ODAD3: variants seen among roughly 807,000 people sequenced by gnomAD.
ODAD3 encodes outer dynein arm-docking complex subunit 3.
A neutral mutation model predicts 70.9 loss-of-function variants in ODAD3; 57 were observed. That is an observed-to-expected ratio of 0.80 (90% CI 0.65 to 1.00). The LOEUF (loss-of-function observed/expected upper bound fraction) is 1.00, where lower values mean the gene tolerates loss of function less well. Ranked by LOEUF, ODAD3 falls within the 50% of genes least tolerant of loss-of-function variation. The probability of loss-of-function intolerance (pLI) is 0.00; values close to 1 mark genes in which losing one functional copy is unlikely to be tolerated. For synonymous variants in ODAD3, 327 were observed against 315.9 expected, an observed-to-expected ratio of 1.04 and a Z score of -0.37; for missense variants, 797 against 763.9, an observed-to-expected ratio of 1.04 and a Z score of -0.51.
intron 7 of ODAD3, 68 bp downstream of exon 7, chr19:11,426,076 G>A: frequency 6.5e-7 from 1 of 1,543,872 alleles, no homozygotes; most frequent in East Asian, 2.3e-5. Flanking sequence ...ATGAGGGAGA[G>A]CCAGGGCATG....
At position 11,423,967 on chromosome 19, in the gene ODAD3, C is replaced by T; in HGVS notation, c.1026G>A (p.Lys342=). 1 of 1,613,276 alleles carries T rather than the reference C, an allele frequency of 6.2e-7. No individual in the cohort carries two copies. Among genetic ancestry groups the T allele is most frequent in the Non-Finnish European group, 8.5e-7 (1 of 1,179,968 alleles). Residue 342 remains lysine, a synonymous_variant, in exon 8 of 13, where the codon AAG becomes AAA. Transcript: ENST00000356392. Reference sequence around the variant, plus strand: ...TCCAGCGCTGCCGCAGCTCCTCCTCCTTGGCATGCAGGCTGTCCTGGATGG... The same window carrying T: ...TCCAGCGCTGCCGCAGCTCCTCCTCTTTGGCATGCAGGCTGTCCTGGATGG... The part of the protein sequence containing the change: ...DDTIQDSLHA[K]EEELRQRWSM...
In ODAD3 at chr19:11,425,129, G is replaced by GTA. The variant is rs377272277; in HGVS notation, c.963+1013_963+1014dup. On this transcript the variant is annotated intron_variant, in intron 7 of 12. Transcript: ENST00000356392. ...TATATATGTGTATATGTACATATGTGTATATGTGTATATGTACATATGTAT... is the reference window on the plus strand; with the variant it reads ...TATATATGTGTATATGTACATATGTGTATATATGTGTATATGTACATATGTAT... 4.1e-4 allele frequency among the ~76,000 whole-genome samples: 50 copies of GTA among 122,840 alleles called. 10 individuals carry two copies. Among genetic ancestry groups the GTA allele is most frequent in the African/African-American group, 1.9e-3 (44 of 23,674 alleles). The allele number at this position is 122,840 out of a possible 152,430, so 80.6% of individuals were successfully genotyped here. A position where few individuals can be genotyped will look rare whatever the true frequency, so the allele number is the denominator to read the frequency against.
chr19:11,425,555 GTA>G lies in ODAD3; in HGVS notation c.963+587_963+588del, dbSNP rs1199898253. On this transcript the variant is annotated intron_variant, in intron 7 of 12. Transcript: ENST00000356392. ...TATATGTGTGTATGTATGTATATATGTATATATGTGTGTATGTATGTATATAT... is the reference window on the plus strand; with the variant it reads ...TATATGTGTGTATGTATGTATATATGTATATGTGTGTATGTATGTATATAT... Among the ~76,000 whole-genome samples the G allele has an allele frequency of 4.4e-3, 590 of 134,424 alleles. 21 individuals are homozygous for G. Among genetic ancestry groups the G allele is most frequent in the Admixed American group, 0.034 (473 of 13,880 alleles). The allele number at this position is 134,424 out of a possible 152,430, so 88.2% of individuals were successfully genotyped here.
At position 11,426,819 on chromosome 19, in the gene ODAD3, G is replaced by A. The variant is rs200875963; in HGVS notation, c.613-35C>T. ...AGCAGGGCTGGGCTGAGGGCCCTCC[G>A]CACTCAATCCCTCCCACACGACCCT... On this transcript the variant is annotated intron_variant, in intron 4 of 12. Transcript: ENST00000356392. The A allele has an allele frequency of 5.7e-3, 9,151 of 1,612,984 alleles. 38 individuals are homozygous for A. The highest frequency in any genetic ancestry group is 7.2e-3 in the Non-Finnish European group (8,453 of 1,179,590).
chr19:11,425,655 A>ATATATGTATATACG (rs1969350224), intron 7 of ODAD3, among the ~76,000 whole-genome samples: 2 of 115,642 alleles, frequency 1.7e-5, no homozygotes, highest in Admixed American at 7.8e-5. Flanking sequence ...ATATACGTAT[A>ATATATGTATATACG]TATATATATA....
Position 11,422,496 on chromosome 19 carries a change from G to T in ODAD3, c.1409C>A (p.Ala470Asp). Reference protein sequence around the residue: ...QVAKDSLEHLASKLIHITVED... With the variant: ...QVAKDSLEHLDSKLIHITVED... ...CACAGTGATGTGGATCAGCTTGCTG[G>T]CCAGGTGCTCCAGGCTGTCCTTGGC... Residue 470 changes from alanine (A) to aspartate (D), a missense_variant, in exon 10 of 13, where the codon GCC becomes GAC. Transcript: ENST00000356392. The surrounding 1 kb of genome is among the most constrained non-coding windows in gnomAD (Gnocchi z 4.6). 1 of 1,594,356 alleles carries T rather than the reference G, an allele frequency of 6.3e-7. No homozygotes were observed. The highest frequency in any genetic ancestry group is 8.5e-7 in the Non-Finnish European group (1 of 1,172,164).
At position 11,434,231 on chromosome 19, in the gene ODAD3, C is replaced by CA. The variant is rs200735465; in HGVS notation, c.244+541dup. ...CTGTCTCAAAAAACAAAAAACAAAA[C>CA]AAAAAAAAACGCGGGTGCAGTGGCT... On this transcript the variant is annotated intron_variant, in intron 1 of 12. Transcript: ENST00000356392. Among the ~76,000 whole-genome samples, 16 of 137,578 alleles carry CA rather than the reference C, an allele frequency of 1.2e-4. 1 individual carries two copies. The highest frequency in any genetic ancestry group is 3.3e-4 in the African/African-American group (11 of 33,464). The allele number at this position is 137,578 out of a possible 152,430, so 90.3% of individuals were successfully genotyped here.
At chr19:11,426,628 T>C in intron 5 of ODAD3, 55 bp downstream of exon 5, 10 of 1,613,572 alleles carry the variant, frequency 6.2e-6, no homozygotes, top group Non-Finnish European at 8.5e-6. Flanking sequence ...CTGCTGTCCC[T>C]AGCCAAGCCC....
intron 10 of ODAD3, 63 bp from the exon 11 acceptor site, chr19:11,421,895 G>GGGGC (rs1474799351): frequency 1.3e-5 from 20 of 1,536,518 alleles, no homozygotes; most frequent in Non-Finnish European, 1.7e-5. Context: ...GCTCCACCCA[G>GGGGC]GGGCGGGGCT....
intron 3 of ODAD3, among the ~76,000 whole-genome samples, chr19:11,427,616 G>C (rs1969412504): frequency 6.6e-6 from 1 of 151,772 alleles, no homozygotes; most frequent in African/African-American, 2.4e-5. Flanking sequence ...CAAGTAGCTG[G>C]GATTACAGGC....
At chr19:11,427,287 T>G (rs1464929489) in intron 3 of ODAD3, among the ~76,000 whole-genome samples, 1 of 151,804 alleles carries the variant, frequency 6.6e-6, no homozygotes, top group Non-Finnish European at 1.5e-5. Context: ...ATTTTTAAAT[T>G]TTTCTTTCTT....
At chr19:11,425,386 T>C (rs554628209) in intron 7 of ODAD3, among the ~76,000 whole-genome samples, 42 of 123,764 alleles carry the variant, frequency 3.4e-4, no homozygotes, top group South Asian at 2.0e-3. Context: ...TGTGTGTATG[T>C]ACATATGTGT....
At position 11,422,775 on chromosome 19, in the gene ODAD3, C is replaced by T. The variant is rs199934107; in HGVS notation, c.1203G>A (p.Arg401=). The change falls in exon 9 of 13, where the codon AGG becomes AGA. Residue 401 remains arginine (R), a synonymous_variant. Coordinates refer to ENST00000356392, the MANE Select transcript of ODAD3 (RefSeq NM_145045.5). The surrounding 1 kb of genome is among the most constrained non-coding windows in gnomAD (Gnocchi z 4.6). The part of the protein sequence containing the change: ...LKSENEQTLV[R]LKQEKQQLQR... The stretch of plus-strand genomic sequence containing the variant: ...GCAGTTGTTGCTTCTCCTGCTTCAG[C>T]CTCACCAACGTCTGCTCGTTCTCGC... The T allele has an allele frequency of 5.1e-4, 823 of 1,611,840 alleles. 3 individuals carry two copies. In the African/African-American group the frequency reaches 9.3e-3, roughly 18 times the overall value.
chr19:11,434,876 C>A lies in ODAD3; in HGVS notation c.141G>T (p.Ala47=). The A allele has an allele frequency of 6.2e-7, 1 of 1,614,190 alleles. No individual in the cohort carries two copies. Among genetic ancestry groups the A allele is most frequent in the Non-Finnish European group, 8.5e-7 (1 of 1,180,040 alleles). The change falls in exon 1 of 13, where the codon GCG becomes GCT. Residue 47 remains alanine, a synonymous_variant. Coordinates refer to ENST00000356392, the MANE Select transcript of ODAD3 (RefSeq NM_145045.5). ...CTCCCTTGGAACGGCCTGGGGTCCA[C>A]GCCTGGGCTGTGCCCTTGCCTCGGA... is the stretch of plus-strand genomic sequence containing the variant. ...SHLRGKGTAQ[A]WTPGRSKGGS... is the part of the protein sequence containing the mutation.
rs577925459 is a variant in ODAD3, at chr19:11,423,232, C to A, written c.1117-371G>T. 9.8e-4 allele frequency among the ~76,000 whole-genome samples: 149 copies of A among 152,340 alleles called. 4 individuals carry two copies. In the South Asian group the frequency reaches 0.021, roughly 21 times the overall value. On this transcript the variant is annotated intron_variant, in intron 8 of 12. Transcript: ENST00000356392. ...TCTTCGGAGCCATCCGCTCACAAGG[C>A]CCACATCTGGAAAGGGGCTGCGCCT...
At chr19:11,434,401 G>C (rs1401790583) in intron 1 of ODAD3, 1 of 161,644 alleles carries the variant, frequency 6.2e-6, no homozygotes, top group African/African-American at 2.4e-5. Context: ...AGTTAGGCGT[G>C]GTGGCGTGTG....
chr19:11,435,139 TGGTTGCGCTCCGCATCTCTC>T, upstream of ODAD3: 1 of 1,454,262 alleles, frequency 6.9e-7, no homozygotes, highest in East Asian at 2.4e-5. Flanking sequence ...GACCGCTAGG[TGGTTGCGCTCCGCATCTCTC>T]GGTTGCCAGG....
At chr19:11,424,144 A>G (rs1466979378) in intron 7 of ODAD3, 115 bp from the exon 8 acceptor site, 1 of 1,320,316 alleles carries the variant, frequency 7.6e-7, no homozygotes, top group Non-Finnish European at 1.0e-6. Flanking sequence ...AACTGGAGGG[A>G]AGGGAGAGGG....
At position 11,421,744 on chromosome 19, in the gene ODAD3, A is replaced by T. The variant is rs1969139714; in HGVS notation, c.1523T>A (p.Leu508Gln). Residue 508 changes from leucine to glutamine, a missense_variant, in exon 11 of 13, where the codon CTG becomes CAG. By Grantham distance (113) the Leu-to-Gln change is moderately radical. Transcript: ENST00000356392. ...GCCCTGGAGCTGCGCCTGCAGTTTC[A>T]GCAGCTTTTCCTCCACGAGGCCCAG... ...NLLGLVEEKLLKLQAQLQGHD... is the reference protein window; with the variant it reads ...NLLGLVEEKLQKLQAQLQGHD... 1 of 1,613,298 alleles carries T rather than the reference A, an allele frequency of 6.2e-7. No individual in the cohort carries two copies. Among genetic ancestry groups the T allele is most frequent in the Non-Finnish European group, 8.5e-7 (1 of 1,179,996 alleles).
Sources: gnomAD v4.1 joint callset for allele counts (sites outside exome capture counted in the v4.1 genomes callset) on GRCh38, gnomAD v4.1.1 for gene constraint, Gnocchi (gnomAD v3.1) non-coding constraint, MANE v1.5 for transcripts, NCBI Gene and HGNC (gene_info 2026-07-23, HGNC 2026-07-21) for gene names.